The following NOTCH2 variants were observed in gnomAD, a reference collection of about 807,000 sequenced individuals.
NOTCH2 encodes the protein neurogenic locus notch homolog protein 2.
Under a neutral mutation model 235.8 loss-of-function variants are expected in NOTCH2, and 29 were observed. That is an observed-to-expected ratio of 0.12 (90% confidence interval 0.09 to 0.17). The LOEUF is 0.17. Ranked by LOEUF, NOTCH2 falls within the 10% of genes least tolerant of loss-of-function variation. NOTCH2 has a pLI of 1.00. For missense variants in NOTCH2, 2,285 were observed against 3,150.2 expected, an observed-to-expected ratio of 0.73 and a Z score of 6.57; for synonymous variants, 1,086 against 1,141.5, an observed-to-expected ratio of 0.95 and a Z score of 0.98.
chr1:119,947,270 T>C (rs1279983040), intron 17 of NOTCH2, among the ~76,000 whole-genome samples: 1 of 152,058 alleles, frequency 6.6e-6, no homozygotes, highest in Non-Finnish European at 1.5e-5. Flanking sequence ...GGGAAGCAAA[T>C]ACCTGTCAAA....
chr1:119,964,774 T>A (rs1651073213), intron 10 of NOTCH2, among the ~76,000 whole-genome samples: 2 of 152,216 alleles, frequency 1.3e-5, no homozygotes, highest in African/African-American at 4.8e-5. Context: ...TTCTAATAAT[T>A]TCTAGCCTTT....
chr1:119,948,898 T>A (rs1374441184), intron 16 of NOTCH2, 109 bp downstream of exon 16: 2 of 1,372,378 alleles, frequency 1.5e-6, no homozygotes, highest in Non-Finnish European at 2.1e-6. Flanking sequence ...CTTGACAAGA[T>A]GGACAGGCCT....
chr1:119,923,912 A>C lies in NOTCH2; in HGVS notation c.4584T>G (p.Gly1528=), dbSNP rs935305821. 1 of 1,614,032 alleles carries C rather than the reference A, an allele frequency of 6.2e-7. No individual in the cohort carries two copies. Among genetic ancestry groups the C allele is most frequent in the East Asian group, 2.2e-5 (1 of 44,874 alleles). Residue 1528 remains glycine (G), a synonymous_variant, in exon 26 of 34, where the codon GGT becomes GGG. Transcript: ENST00000256646. ...CAGCAGCACAGTCCAGCCCATCCCA[A>C]CCACACTCCTCACTGTTGCACCCCT... ...CDQGCNSEEC[G]WDGLDCAADQ... is the part of the protein sequence containing the mutation.
At chr1:119,924,098 C>G (rs114764902) in intron 25 of NOTCH2, 114 bp from the exon 26 acceptor site, 1 of 880,006 alleles carries the variant, frequency 1.1e-6, no homozygotes. Flanking sequence ...GTGGCCCACA[C>G]CCAGGACCCA....
chr1:119,982,727 C>T (rs1369958286), intron 5 of NOTCH2, among the ~76,000 whole-genome samples: 2 of 152,248 alleles, frequency 1.3e-5, no homozygotes, highest in African/African-American at 4.8e-5. Context: ...AGAAGTAAAT[C>T]ATCTCCCCAC....
chr1:119,917,814 G>T, intron 32 of NOTCH2, 52 bp from the exon 33 acceptor site: 1 of 1,071,348 alleles, frequency 9.3e-7, no homozygotes, highest in South Asian at 1.2e-5. Context: ...CTTAGTATAA[G>T]ACACTATGAC....
rs377473069 is a variant in NOTCH2, at chr1:119,923,933, C to T, written c.4563G>A (p.Gly1521=). The change falls in exon 26 of 34, where the codon GGG becomes GGA. Residue 1521 remains glycine, a synonymous_variant. Coordinates refer to ENST00000256646, the MANE Select transcript of NOTCH2 (RefSeq NM_024408.4). ...CCCAACCACACTCCTCACTGTTGCA[C>T]CCCTGGTCACAGTGGTTGTCTTTGA... The part of the protein sequence containing the change: ...DHFKDNHCDQ[G]CNSEECGWDG... The T allele has an allele frequency of 1.4e-5, 22 of 1,614,198 alleles. No homozygotes were observed. In the African/African-American group the frequency reaches 2.0e-4, roughly 15 times the overall value.
At chr1:119,921,869 T>C (rs964253450) in intron 28 of NOTCH2, 60 bp from the exon 29 acceptor site, 1 of 1,384,944 alleles carries the variant, frequency 7.2e-7, no homozygotes, top group Non-Finnish European at 1.0e-6. Flanking sequence ...ACAGTGGTTT[T>C]CAACACTTTC....
rs587672938 is a variant in NOTCH2, at chr1:119,984,835, G to A, written c.874+2125C>T. On this transcript the variant is annotated intron_variant, in intron 5 of 33. Coordinates refer to ENST00000256646, the MANE Select transcript of NOTCH2 (RefSeq NM_024408.4). The stretch of plus-strand genomic sequence containing the variant: ...AGTGTTATTACAGGAGAATACATGG[G>A]GTACTAAGGGAGTCCAGAGTAGAAC... Among the ~76,000 whole-genome samples the A allele has an allele frequency of 2.0e-5, 3 of 152,240 alleles. No individual in the cohort carries two copies. In the South Asian group the frequency reaches 6.2e-4, roughly 32 times the overall value.
At chr1:119,966,931 C>A (rs183957403) in intron 8 of NOTCH2, among the ~76,000 whole-genome samples, 51 of 152,294 alleles carry the variant, frequency 3.3e-4, no homozygotes, top group Non-Finnish European at 6.2e-4. Flanking sequence ...GGCAGAGCAG[C>A]CAATGTTAGC....
chr1:119,985,814 A>T (rs1244585608), intron 5 of NOTCH2, among the ~76,000 whole-genome samples: 2 of 152,206 alleles, frequency 1.3e-5, no homozygotes. Context: ...CAATGTCACA[A>T]AAAGTACAGA....
In NOTCH2 at chr1:119,915,929, T is replaced by G. The variant is rs1289006811; in HGVS notation, c.6793A>C (p.Asn2265His). ...NRMEVNETQY[N>H]EMFGMVLAPA... is the part of the protein sequence containing the mutation. ...GCCAGGACCATACCAAACATCTCATTGTACTGGGTCTCATTCACCTCCATG... is the reference window on the plus strand; with the variant it reads ...GCCAGGACCATACCAAACATCTCATGGTACTGGGTCTCATTCACCTCCATG... Residue 2265 changes from asparagine (N) to histidine (H), a missense_variant, in exon 34 of 34, where the codon AAT (asparagine) becomes CAT (histidine). This residue lies in a region of NOTCH2 where 504 missense variants were observed against 538.0 expected (regional missense o/e 0.94). Coordinates refer to ENST00000256646, the MANE Select transcript of NOTCH2 (RefSeq NM_024408.4). 17 of 1,614,102 alleles carry G rather than the reference T, an allele frequency of 1.1e-5. No homozygotes were observed. The highest frequency in any genetic ancestry group is 1.4e-5 in the Non-Finnish European group (17 of 1,180,020).
At chr1:120,063,601 G>GT (rs1389626383) in intron 1 of NOTCH2, among the ~76,000 whole-genome samples, 26 of 152,166 alleles carry the variant, frequency 1.7e-4, no homozygotes, top group Non-Finnish European at 3.1e-4. Flanking sequence ...TCTGTACTAA[G>GT]TGAGGCCAGC....
chr1:120,069,151 G>T (rs1481747318), intron 1 of NOTCH2, 183 bp downstream of exon 1: 3 of 1,527,484 alleles, frequency 2.0e-6, no homozygotes, highest in East Asian at 4.9e-5. Context: ...CCCGGCGGTT[G>T]GCGGGGCACC....
At chr1:120,032,916 C>T (rs1402855731) in intron 1 of NOTCH2, among the ~76,000 whole-genome samples, 1 of 136,520 alleles carries the variant, frequency 7.3e-6, no homozygotes, top group East Asian at 2.0e-4. Flanking sequence ...GAAATGGAAC[C>T]CTTCTACTCT....
chr1:119,922,774 T>C lies in NOTCH2; in HGVS notation c.4864A>G (p.Lys1622Glu), dbSNP rs1187287835. The C allele has an allele frequency of 6.2e-7, 1 of 1,614,088 alleles. No homozygotes were observed. The highest frequency in any genetic ancestry group is 1.7e-5 in the Admixed American group (1 of 60,020). The part of the protein sequence containing the change: ...GEQEQEVAGS[K>E]VFLEIDNRQC... Reference sequence around the variant, plus strand: ...CGGTTGTCAATTTCCAGAAAGACTTTAGAGCTGTGGGATGCCAAGGGAGAA... The same window carrying C: ...CGGTTGTCAATTTCCAGAAAGACTTCAGAGCTGTGGGATGCCAAGGGAGAA... The change falls in exon 27 of 34, where the codon AAA becomes GAA. Residue 1622 changes from lysine to glutamate, a missense_variant. This residue lies in a region of NOTCH2 where 1,173 missense variants were observed against 1,515.3 expected (regional missense o/e 0.77). Coordinates refer to ENST00000256646, the MANE Select transcript of NOTCH2 (RefSeq NM_024408.4).
chr1:119,919,802 T>A (rs1002848178), intron 30 of NOTCH2, among the ~76,000 whole-genome samples, 189 bp from the exon 31 acceptor site: 1 of 152,218 alleles, frequency 6.6e-6, no homozygotes, highest in African/African-American at 2.4e-5. Flanking sequence ...TAAAGAATAA[T>A]GGGAAAGTAC....
Position 119,917,650 on chromosome 1 carries a change from GC to G in NOTCH2, c.6027+14del. ...TGCTATGAGCCTCCTCAAGCTCAGA[GC>G]CCACAAACTGTACCTTGTTGTCCTG... On this transcript the variant is annotated intron_variant, in intron 33 of 33. Coordinates refer to ENST00000256646, the MANE Select transcript of NOTCH2 (RefSeq NM_024408.4). 1.3e-6 allele frequency: 2 copies of G among 1,569,432 alleles called. No homozygotes were observed. Among genetic ancestry groups the G allele is most frequent in the Non-Finnish European group, 1.8e-6 (2 of 1,139,758 alleles).
intron 15 of NOTCH2, chr1:119,950,414 G>A (rs781921134): frequency 5.8e-6 from 3 of 517,250 alleles, no homozygotes; most frequent in Admixed American, 4.6e-5. Flanking sequence ...AATAGCTAAT[G>A]TCCTGGAAAC....
Sources: allele counts gnomAD v4.1 joint callset (sites outside exome capture counted in the v4.1 genomes callset), GRCh38; gene constraint gnomAD v4.1.1; regional missense constraint gnomAD v4.1.1; transcripts MANE v1.5; gene names NCBI Gene and HGNC (gene_info 2026-07-23, HGNC 2026-07-21).